The following WDR7 variants were observed in gnomAD, a reference collection of about 807,000 sequenced individuals.
WDR7 encodes the protein WD repeat domain 7.
Under a neutral mutation model 169.4 loss-of-function variants are expected in WDR7, and 46 were observed. The ratio of observed to expected loss-of-function variants is 0.27; its 90% CI spans 0.21 to 0.35. The LOEUF (loss-of-function observed/expected upper bound fraction) is 0.35. Among genes scored for constraint, WDR7 ranks in the 10% least tolerant of loss-of-function variants. WDR7 has a pLI of 1.00. For synonymous variants in WDR7, 612 were observed against 666.8 expected, an observed-to-expected ratio of 0.92 and a Z score of 1.27; for missense variants, 1,534 against 1,859.3, an observed-to-expected ratio of 0.83 and a Z score of 3.22.
At chr18:56,905,740 A>G (rs894291260) in intron 21 of WDR7, among the ~76,000 whole-genome samples, 2 of 151,968 alleles carry the variant, frequency 1.3e-5, no homozygotes, top group African/African-American at 4.8e-5. Context: ...ATCTATTTAT[A>G]TTTCTTTCAA....
chr18:56,909,196 C>A (rs1185911407), intron 21 of WDR7, among the ~76,000 whole-genome samples: 3 of 151,380 alleles, frequency 2.0e-5, no homozygotes, highest in East Asian at 3.9e-4. Context: ...CCAGGTCTTA[C>A]TTAATAGCTC....
chr18:56,803,012 T>C (rs1178096638), intron 19 of WDR7, among the ~76,000 whole-genome samples: 4 of 152,166 alleles, frequency 2.6e-5, no homozygotes, highest in Non-Finnish European at 4.4e-5. Flanking sequence ...CTTTTTATCA[T>C]GTATCTTCTA....
chr18:56,937,142 T>A (rs1445444343), intron 23 of WDR7, among the ~76,000 whole-genome samples: 2 of 152,298 alleles, frequency 1.3e-5, no homozygotes, highest in East Asian at 3.9e-4. Context: ...AAAAATGAAC[T>A]GTTAGAATAC....
At chr18:56,779,175 T>C (rs893477527) in intron 17 of WDR7, among the ~76,000 whole-genome samples, 1 of 152,230 alleles carries the variant, frequency 6.6e-6, no homozygotes, top group Non-Finnish European at 1.5e-5. Flanking sequence ...TGAATTTGGA[T>C]ATACTTCCAG....
Position 56,779,557 on chromosome 18 carries a change from T to A in WDR7, c.3066+8T>A. 1 of 1,606,742 alleles carries A rather than the reference T, an allele frequency of 6.2e-7. No homozygotes were observed. Among genetic ancestry groups the A allele is most frequent in the Non-Finnish European group, 8.5e-7 (1 of 1,175,878 alleles). ...CAAGATCGATGCTTGGAGGTAATGC[T>A]AAAGTGATAAGGATAGAAAACAAAA... On this transcript the variant is annotated splice_region_variant and intron_variant, in intron 18 of 27. Transcript: ENST00000254442.
intron 14 of WDR7, among the ~76,000 whole-genome samples, chr18:56,739,647 G>A (rs541009166): frequency 3.2e-4 from 48 of 151,962 alleles, no homozygotes; most frequent in African/African-American, 1.1e-3. Flanking sequence ...GTTTTTGATT[G>A]TCTGAAAATG....
chr18:56,919,146 A>AAAG (rs1189630779), intron 21 of WDR7, among the ~76,000 whole-genome samples: 1 of 152,198 alleles, frequency 6.6e-6, no homozygotes, highest in Non-Finnish European at 1.5e-5. Context: ...TCCAGGTCAC[A>AAAG]AAGCCTCAGT....
At chr18:56,874,248 AAC>A (rs2045992214) in intron 20 of WDR7, among the ~76,000 whole-genome samples, 1 of 152,186 alleles carries the variant, frequency 6.6e-6, no homozygotes, top group Non-Finnish European at 1.5e-5. Flanking sequence ...GGTTCTTCTA[AAC>A]ACAGAGGCAA....
chr18:56,742,300 A>G (rs2144859213), intron 14 of WDR7, among the ~76,000 whole-genome samples: 1 of 152,326 alleles, frequency 6.6e-6, no homozygotes, highest in South Asian at 2.1e-4. Context: ...CAGCAGCCAG[A>G]TCTTTCTAGC....
chr18:57,007,921 C>T (rs1657378558), intron 26 of WDR7, among the ~76,000 whole-genome samples: 1 of 152,164 alleles, frequency 6.6e-6, no homozygotes, highest in Admixed American at 6.5e-5. Flanking sequence ...GTACCAGGAA[C>T]AGGGCTGAGT....
intron 19 of WDR7, among the ~76,000 whole-genome samples, chr18:56,784,310 A>T (rs1253899372): frequency 6.6e-6 from 1 of 152,174 alleles, no homozygotes; most frequent in South Asian, 2.1e-4. Context: ...TTTTGGTTAC[A>T]TAGATGGAGT....
chr18:56,738,310 C>T (rs891474841), intron 14 of WDR7, among the ~76,000 whole-genome samples: 1 of 152,124 alleles, frequency 6.6e-6, no homozygotes, highest in East Asian at 1.9e-4. Context: ...TGGCTCATGC[C>T]TGTAATCCTA....
intron 20 of WDR7, among the ~76,000 whole-genome samples, chr18:56,818,395 T>C (rs2045021932): frequency 6.6e-6 from 1 of 152,202 alleles, no homozygotes; most frequent in Non-Finnish European, 1.5e-5. Flanking sequence ...GCAAATCTAA[T>C]TTGAAGAGTC....
intron 13 of WDR7, among the ~76,000 whole-genome samples, chr18:56,723,217 T>G (rs74622917): frequency 2.0e-5 from 3 of 152,052 alleles, no homozygotes; most frequent in East Asian, 3.9e-4. Context: ...TTTTTTTTTT[T>G]GTTTAAAACA....
Position 57,027,436 on chromosome 18 carries a change from G to A in WDR7, c.*229G>A. The A allele has an allele frequency of 1.8e-6, 1 of 548,982 alleles. No homozygotes were observed. 34.0% of individuals were successfully genotyped at this position (548,982 alleles called of 1,614,324 possible). A position where few individuals can be genotyped will look rare whatever the true frequency, so the allele number is the denominator to read the frequency against. On this transcript the variant is annotated 3_prime_UTR_variant, in exon 28 of 28. Coordinates refer to ENST00000254442, the MANE Select transcript of WDR7 (RefSeq NM_015285.3). ...ATGCTCTGCAGGATGTGGCCATCCT[G>A]TCACCAGGTAGTTTTTCCCTGCCAG... is the stretch of plus-strand genomic sequence containing the variant.
chr18:56,884,866 T>C (rs564861819), intron 21 of WDR7, among the ~76,000 whole-genome samples: 4 of 152,278 alleles, frequency 2.6e-5, no homozygotes, highest in African/African-American at 9.6e-5. Flanking sequence ...AAACTACAAC[T>C]AAGGATGCTC....
chr18:56,917,504 G>C (rs1329693193), intron 21 of WDR7, among the ~76,000 whole-genome samples: 2 of 152,154 alleles, frequency 1.3e-5, no homozygotes, highest in African/African-American at 4.8e-5. Flanking sequence ...TTCCAAAAAA[G>C]AAATTCATTA....
At chr18:57,015,510 A>G (rs2145925881) in intron 26 of WDR7, among the ~76,000 whole-genome samples, 1 of 151,958 alleles carries the variant, frequency 6.6e-6, no homozygotes, top group South Asian at 2.1e-4. Flanking sequence ...CTCTTTTTTG[A>G]TGAGCCTTTC....
chr18:56,948,825 G>A (rs1263024579), intron 25 of WDR7, among the ~76,000 whole-genome samples: 1 of 152,092 alleles, frequency 6.6e-6, no homozygotes, highest in East Asian at 1.9e-4. Flanking sequence ...AGGCTTACAC[G>A]TGTCAGGGGC....
Sources: gnomAD v4.1 joint callset for allele counts (sites outside exome capture counted in the v4.1 genomes callset) on GRCh38, gnomAD v4.1.1 for gene constraint, MANE v1.5 for transcripts, NCBI Gene and HGNC (gene_info 2026-07-23, HGNC 2026-07-21) for gene names.